N4BP2: variants seen among roughly 807,000 people sequenced by gnomAD.
The protein encoded by N4BP2 is NEDD4-binding protein 2.
Under a neutral mutation model 152.8 loss-of-function variants are expected in N4BP2, and 91 were observed. That is an observed-to-expected ratio of 0.60 (90% CI 0.50 to 0.71). The LOEUF (loss-of-function observed/expected upper bound fraction) is 0.71. N4BP2 is among the 30% of genes least tolerant of loss of function. The pLI is 0.00. For missense variants in N4BP2, 1,923 were observed against 2,059.1 expected (o/e 0.93, Z 1.28); for synonymous variants, 646 against 705.3 (o/e 0.92, Z 1.33).
chr4:40,171,613 G>A, the N4BP2 span, among the ~76,000 whole-genome samples: 1 of 152,150 alleles, frequency 6.6e-6, no homozygotes, highest in African/African-American at 2.4e-5. Context: ...AGTTGGATTA[G>A]TCAGGGTTCT....
chr4:40,118,457 G>A (rs1476572147), intron 8 of N4BP2, among the ~76,000 whole-genome samples: 1 of 151,986 alleles, frequency 6.6e-6, no homozygotes, highest in Non-Finnish European at 1.5e-5. Flanking sequence ...TAAATAAGGT[G>A]GACTTTTGTT....
In N4BP2 at chr4:40,121,396, T is replaced by A. The variant is rs1174007533; in HGVS notation, c.3285T>A (p.Leu1095=). Residue 1095 remains leucine (L), a synonymous_variant, in exon 9 of 18, where the codon CTT becomes CTA. Transcript: ENST00000261435. ...ATGAATCTGAAAATCTTAACATTCT[T>A]TGTAAACTGTTTGGATCCTTTTCAT... ...SADESENLNI[L]CKLFGSFSLE... The A allele has an allele frequency of 1.2e-6, 2 of 1,612,260 alleles. No homozygotes were observed. Among genetic ancestry groups the A allele is most frequent in the Non-Finnish European group, 1.7e-6 (2 of 1,179,582 alleles).
chr4:40,147,531 C>T (rs1319860914), intron 16 of N4BP2, among the ~76,000 whole-genome samples: 10 of 148,044 alleles, frequency 6.8e-5, no homozygotes, highest in South Asian at 6.4e-4. Context: ...GGCGGCTGGC[C>T]GGGCAGAGGC....
At position 40,125,175 on chromosome 4, in the gene N4BP2, A is replaced by G. The variant is rs908948794; in HGVS notation, c.4331-959A>G. Among the ~76,000 whole-genome samples the G allele has an allele frequency of 2.6e-5, 4 of 152,156 alleles. No individual in the cohort carries two copies. In the South Asian group the frequency reaches 6.2e-4, roughly 24 times the overall value. On this transcript the variant is annotated intron_variant, in intron 11 of 17. Transcript: ENST00000261435. Reference sequence around the variant, plus strand: ...TGCTCATGTCATAGCCTCAAGAGCTACAGCTGATGTAGGGATAGAGGTGCC... The same window carrying G: ...TGCTCATGTCATAGCCTCAAGAGCTGCAGCTGATGTAGGGATAGAGGTGCC...
chr4:40,099,697 A>G (rs1715441416), intron 3 of N4BP2, among the ~76,000 whole-genome samples: 1 of 152,068 alleles, frequency 6.6e-6, no homozygotes, highest in Non-Finnish European at 1.5e-5. Flanking sequence ...AAATTTTTTT[A>G]TACCATGGTT....
the N4BP2 span, among the ~76,000 whole-genome samples, chr4:40,168,685 A>G: frequency 1.3e-5 from 2 of 152,062 alleles, no homozygotes; most frequent in Non-Finnish European, 2.9e-5. Context: ...ATATATATAG[A>G]ATTATACATT....
intron 14 of N4BP2, chr4:40,142,114 A>AG (rs1720054783): frequency 9.9e-6 from 1 of 100,966 alleles, no homozygotes; most frequent in Non-Finnish European, 1.9e-5. Context: ...GGAGAGGGAG[A>AG]GGGAGACCAT....
intron 1 of N4BP2, among the ~76,000 whole-genome samples, chr4:40,060,962 T>G (rs745806233): frequency 5.9e-5 from 9 of 151,654 alleles, no homozygotes; most frequent in Admixed American, 1.3e-4. Context: ...TAGCTGCTTT[T>G]CTTTTCTTTT....
chr4:40,141,604 T>C (rs1438103224), intron 14 of N4BP2, among the ~76,000 whole-genome samples: 1 of 139,640 alleles, frequency 7.2e-6, no homozygotes, highest in African/African-American at 2.7e-5. Flanking sequence ...CTTTCCAGAC[T>C]GGGCAGCCAG....
At position 40,095,963 on chromosome 4, in the gene N4BP2, A is replaced by G. The variant is rs144166686; in HGVS notation, c.-114-1264A>G. Among the ~76,000 whole-genome samples, 1,235 of 152,326 alleles carry G rather than the reference A, an allele frequency of 8.1e-3. 5 individuals carry two copies. The highest frequency in any genetic ancestry group is 0.028 in the African/African-American group (1,158 of 41,556). On this transcript the variant is annotated intron_variant, in intron 2 of 17. Transcript: ENST00000261435. ...AGACTATAGGGGGACAAAGTTGCAAACAGGGAGAACAGGTAGGAGGTTGGA... is the reference window on the plus strand; with the variant it reads ...AGACTATAGGGGGACAAAGTTGCAAGCAGGGAGAACAGGTAGGAGGTTGGA...
the N4BP2 span, among the ~76,000 whole-genome samples, chr4:40,171,463 T>C: frequency 6.6e-6 from 1 of 152,204 alleles, no homozygotes; most frequent in Non-Finnish European, 1.5e-5. Context: ...ACACTTAGGT[T>C]CAGCTTTGGA....
rs925474552 is a variant in N4BP2, at chr4:40,082,004, C to T, written c.-115+8453C>T. ...GCGCATGCCTGTAATCCCAGCTATT[C>T]GGGAGGCTGAGACAGGAGACTCGCT... On this transcript the variant is annotated intron_variant, in intron 2 of 17. Coordinates refer to ENST00000261435, the MANE Select transcript of N4BP2 (RefSeq NM_018177.6). Among the ~76,000 whole-genome samples the T allele has an allele frequency of 4.0e-5, 6 of 150,830 alleles. No homozygotes were observed. In the South Asian group the frequency reaches 6.3e-4, roughly 16 times the overall value.
chr4:40,130,054 AT>A (rs922666383), intron 12 of N4BP2, among the ~76,000 whole-genome samples: 1 of 150,892 alleles, frequency 6.6e-6, no homozygotes, highest in East Asian at 1.9e-4. Context: ...ATTTTAATTT[AT>A]TTTTTTTTGA....
intron 4 of N4BP2, among the ~76,000 whole-genome samples, chr4:40,103,580 A>G (rs139970227): frequency 3.3e-5 from 5 of 152,224 alleles, no homozygotes; most frequent in Admixed American, 1.3e-4. Flanking sequence ...GGAATGGAAG[A>G]CTTAAATACA....
At chr4:40,114,050 G>T (rs1717140775) in intron 7 of N4BP2, among the ~76,000 whole-genome samples, 1 of 152,140 alleles carries the variant, frequency 6.6e-6, no homozygotes, top group African/African-American at 2.4e-5. Flanking sequence ...GATGGAAAAG[G>T]TAGCAAATAT....
chr4:40,071,535 A>G (rs35952502), intron 1 of N4BP2, among the ~76,000 whole-genome samples: 27,174 of 152,154 alleles, frequency 0.18, 3,159 homozygotes, highest in Admixed American at 0.26. Context: ...GTAGTAATCT[A>G]TAGGGTGGTA....
chr4:40,181,647 G>A, the N4BP2 span, among the ~76,000 whole-genome samples: 1 of 152,172 alleles, frequency 6.6e-6, no homozygotes, highest in Non-Finnish European at 1.5e-5. Context: ...AAGCACTTAA[G>A]AAGGAAAGGA....
At chr4:40,082,306 A>C (rs1713466090) in intron 2 of N4BP2, among the ~76,000 whole-genome samples, 1 of 151,194 alleles carries the variant, frequency 6.6e-6, no homozygotes. Flanking sequence ...ATTATTCAAA[A>C]CATAGTCTTT....
the N4BP2 span, among the ~76,000 whole-genome samples, chr4:40,182,011 C>T: frequency 1.1e-4 from 17 of 152,190 alleles, no homozygotes; most frequent in African/African-American, 4.1e-4. Context: ...CTGGGATTGC[C>T]TGGAGGTTGC....
Sources: gnomAD v4.1 joint callset for allele counts (sites outside exome capture counted in the v4.1 genomes callset) on GRCh38, gnomAD v4.1.1 for gene constraint, MANE v1.5 for transcripts, NCBI Gene and HGNC (gene_info 2026-07-23, HGNC 2026-07-21) for gene names.